TM6SF2: variants seen among roughly 807,000 people sequenced by gnomAD.
The protein encoded by TM6SF2 is transmembrane 6 superfamily member 2.
In TM6SF2, 29 loss-of-function variants were observed where a neutral mutation model predicts 41.0. The observed-to-expected ratio is 0.71, with a 90% CI of 0.53 to 0.96. The LOEUF (loss-of-function observed/expected upper bound fraction) is 0.96. TM6SF2 is among the 50% of genes least tolerant of loss of function. TM6SF2 has a pLI of 0.00. For missense variants in TM6SF2, 475 were observed against 499.0 expected (o/e 0.95, Z 0.46); for synonymous variants, 200 against 209.1 (o/e 0.96, Z 0.37).
rs373418560 is a variant in TM6SF2, at chr19:19,268,583, A to G, written c.609+47T>C. 7.9e-6 allele frequency: 12 copies of G among 1,516,904 alleles called. No homozygotes were observed. The African/African-American group carries it at 1.3e-4, about 17-fold the overall frequency. The allele number at this position is 1,516,904 out of a possible 1,614,324, so 94.0% of individuals were successfully genotyped here. A position where few individuals can be genotyped will look rare whatever the true frequency, so the allele number is the denominator to read the frequency against. On this transcript the variant is annotated intron_variant, in intron 6 of 9. Coordinates refer to ENST00000389363, the MANE Select transcript of TM6SF2 (RefSeq NM_001001524.3). ...TGACCAAAAGCAACTGACACGGGGA[A>G]AGTTCAGGCACATTGGGACAAGGCC...
At position 19,264,778 on chromosome 19, in the gene TM6SF2, A is replaced by T. The variant is rs1358345119; in HGVS notation, c.1020T>A (p.Asn340Lys). 6.2e-7 allele frequency: 1 copy of T among 1,610,746 alleles called. No homozygotes were observed. Among genetic ancestry groups the T allele is most frequent in the Non-Finnish European group, 8.5e-7 (1 of 1,178,606 alleles). Reference protein sequence around the residue: ...EDTWGCFFVCNLLYALGPHLL... With the variant: ...EDTWGCFFVCKLLYALGPHLL... ...GGTGGGGGCCCAGCGCATACAGCAGATTGCACACGAAGAAGCAGCCCCAGG... is the reference window on the plus strand; with the variant it reads ...GGTGGGGGCCCAGCGCATACAGCAGTTTGCACACGAAGAAGCAGCCCCAGG... The change falls in exon 10 of 10, where the codon AAT becomes AAA. Residue 340 changes from asparagine to lysine, a missense_variant. By Grantham distance (94) the Asn-to-Lys change is moderately conservative (BLOSUM62 0). Around this residue, in one of 3 missense-constraint regions of TM6SF2, gnomAD observed 190 missense variants for 190.2 expected, o/e 1.00. Transcript: ENST00000389363.
At position 19,269,714 on chromosome 19, in the gene TM6SF2, G is replaced by T; in HGVS notation, c.457C>A (p.Leu153Met). The change falls in exon 5 of 10, where the codon CTG (leucine) becomes ATG (methionine). Residue 153 changes from leucine to methionine, a missense_variant. Physicochemically the swap from Leu to Met is conservative, Grantham distance 15. Around this residue, in one of 3 missense-constraint regions of TM6SF2, gnomAD observed 238 missense variants for 228.6 expected, o/e 1.04. Coordinates refer to ENST00000389363, the MANE Select transcript of TM6SF2 (RefSeq NM_001001524.3). Reference protein sequence around the residue: ...YWLGSFAMSILVFLTGNILGK... With the variant: ...YWLGSFAMSIMVFLTGNILGK... ...AGAATGTTTCCTGTAAGGAACACCA[G>T]GATGCTCATGGCGAAGGAACCCAGC... The T allele has an allele frequency of 6.2e-7, 1 of 1,614,172 alleles. No individual in the cohort carries two copies. Among genetic ancestry groups the T allele is most frequent in the African/African-American group, 1.3e-5 (1 of 75,054 alleles).
At chr19:19,267,382 A>G (rs868342017) in intron 8 of TM6SF2, among the ~76,000 whole-genome samples, 290 of 99,686 alleles carry the variant, frequency 2.9e-3, no homozygotes, top group African/African-American at 8.6e-3. Flanking sequence ...AAAAAAAAAA[A>G]AAAGAAAAAG....
Position 19,269,680 on chromosome 19 carries a change from T to C in TM6SF2, c.484+7A>G. ...AGAACCTGGATTTCCCAAAGCCTTGTCCTTACCAAGAATGTTTCCTGTAAG... is the reference window on the plus strand; with the variant it reads ...AGAACCTGGATTTCCCAAAGCCTTGCCCTTACCAAGAATGTTTCCTGTAAG... On this transcript the variant is annotated splice_region_variant and intron_variant, in intron 5 of 9. Transcript: ENST00000389363. The C allele has an allele frequency of 6.2e-7, 1 of 1,614,092 alleles. No individual in the cohort carries two copies. Among genetic ancestry groups the C allele is most frequent in the Non-Finnish European group, 8.5e-7 (1 of 1,179,998 alleles).
At chr19:19,268,951 C>T (rs915194650) in intron 5 of TM6SF2, among the ~76,000 whole-genome samples, 197 bp from the exon 6 acceptor site, 1 of 152,096 alleles carries the variant, frequency 6.6e-6, no homozygotes, top group Non-Finnish European at 1.5e-5. Context: ...TGGGATTATA[C>T]CTGGCTAATT....
At chr19:19,265,684 G>A (rs1166664326) in intron 9 of TM6SF2, among the ~76,000 whole-genome samples, 2 of 152,156 alleles carry the variant, frequency 1.3e-5, no homozygotes, top group African/African-American at 4.8e-5. Flanking sequence ...CTCCCAAAAT[G>A]CTGGGATTAC....
At chr19:19,268,579 G>A in intron 6 of TM6SF2, 51 bp downstream of exon 6, 1 of 1,514,946 alleles carries the variant, frequency 6.6e-7, no homozygotes, top group Non-Finnish European at 8.8e-7. Context: ...AACTGACACG[G>A]GGAAAGTTCA....
intron 8 of TM6SF2, among the ~76,000 whole-genome samples, chr19:19,267,091 G>A (rs1023596879): frequency 1.3e-5 from 2 of 152,152 alleles, no homozygotes; most frequent in Non-Finnish European, 2.9e-5. Flanking sequence ...CTCAGAGGCC[G>A]GGCATGGTGG....
chr19:19,268,851 C>T, intron 5 of TM6SF2, 97 bp from the exon 6 acceptor site: 1 of 1,408,724 alleles, frequency 7.1e-7, no homozygotes, highest in Non-Finnish European at 9.3e-7. Context: ...CTCTGTCACC[C>T]AGGCTGGAGT....
Position 19,270,365 on chromosome 19 carries a change from T to C in TM6SF2, c.277A>G (p.Met93Val), listed in dbSNP as rs753830613. 5.0e-6 allele frequency: 8 copies of C among 1,614,096 alleles called. No individual in the cohort carries two copies. In the African/African-American group the frequency reaches 9.3e-5, roughly 19 times the overall value. Residue 93 changes from methionine (M) to valine (V), a missense_variant, in exon 3 of 10, where the codon ATG becomes GTG. This residue lies in a region of TM6SF2 where 238 missense variants were observed against 228.6 expected (regional missense o/e 1.04). Coordinates refer to ENST00000389363, the MANE Select transcript of TM6SF2 (RefSeq NM_001001524.3). ...LQEDSYVVGF[M>V]EFYTKEGEPY... ...AGTACCTCCTTGGTGTAGAACTCCA[T>C]GAAGCCCACCACATAGCTGTCTTCC...
intron 9 of TM6SF2, 130 bp from the exon 10 acceptor site, chr19:19,265,003 CATCT>C: frequency 2.4e-6 from 1 of 410,664 alleles, no homozygotes; most frequent in Non-Finnish European, 4.3e-6. Flanking sequence ...GGGCTTTGCT[CATCT>C]ATCTGTTTCC....
At chr19:19,268,800 C>T (rs1023673292) in intron 5 of TM6SF2, 46 bp from the exon 6 acceptor site, 3 of 1,535,718 alleles carry the variant, frequency 2.0e-6, no homozygotes, top group South Asian at 1.3e-5. Flanking sequence ...CAGAACCCTG[C>T]TGGACATCTG....
intron 1 of TM6SF2, among the ~76,000 whole-genome samples, chr19:19,272,075 G>A (rs2061026084): frequency 6.6e-6 from 1 of 152,110 alleles, no homozygotes; most frequent in Non-Finnish European, 1.5e-5. Flanking sequence ...GATAAGACAG[G>A]TCAACCAGTT....
intron 9 of TM6SF2, among the ~76,000 whole-genome samples, chr19:19,266,213 C>T (rs1476223716): frequency 1.3e-5 from 2 of 152,194 alleles, no homozygotes; most frequent in Non-Finnish European, 2.9e-5. Flanking sequence ...CTGGAGAACT[C>T]ATCCTCGTAC....
rs2060997769 is a variant in TM6SF2 at position 19,264,948 on chromosome 19, C to CA, written c.925-76dup. ...AATCCCAGCATCACCGACAGCCCCC[C>CA]AGGTAGGTCAGGCAGAACCCAGGGG... is the stretch of plus-strand genomic sequence containing the variant. On this transcript the variant is annotated intron_variant, in intron 9 of 9. Coordinates refer to ENST00000389363, the MANE Select transcript of TM6SF2 (RefSeq NM_001001524.3). 4 of 1,173,984 alleles carry CA rather than the reference C, an allele frequency of 3.4e-6. No homozygotes were observed. The South Asian group carries it at 7.1e-5, about 21-fold the overall frequency. 72.7% of individuals were successfully genotyped at this position (1,173,984 alleles called of 1,614,324 possible). A position where few individuals can be genotyped will look rare whatever the true frequency, so the allele number is the denominator to read the frequency against.
intron 5 of TM6SF2, among the ~76,000 whole-genome samples, chr19:19,269,041 G>T (rs1261527305): frequency 1.3e-5 from 2 of 152,104 alleles, no homozygotes; most frequent in Non-Finnish European, 2.9e-5. Context: ...GATTGATGAG[G>T]CAGGTGGATT....
rs1420662454 is a variant in TM6SF2, at chr19:19,270,295, G to T, written c.298-19C>A. 1 of 1,614,216 alleles carries T rather than the reference G, an allele frequency of 6.2e-7. No homozygotes were observed. Among genetic ancestry groups the T allele is most frequent in the Non-Finnish European group, 8.5e-7 (1 of 1,180,028 alleles). On this transcript the variant is annotated intron_variant, in intron 3 of 9. Transcript: ENST00000389363. ...GCTCTCCCTGTGGGGGCAGGTGGGA[G>T]ACTCAGACGGGCAGTGCGGTAGGGG...
chr19:19,273,061 T>TCCCCCCCCCCCCCCCCCCCCCCCCCTCCC, intron 1 of TM6SF2, 60 bp downstream of exon 1: 1 of 305,470 alleles, frequency 3.3e-6, no homozygotes, highest in Non-Finnish European at 6.1e-6. Flanking sequence ...CCTCCAGTCC[T>TCCCCCCCCCCCCCCCCCCCCCCCCCTCCC]CCCCGCCCCC....
At chr19:19,271,198 G>C (rs1366210809) in intron 1 of TM6SF2, 73 bp from the exon 2 acceptor site, 2 of 1,221,346 alleles carry the variant, frequency 1.6e-6, no homozygotes, top group African/African-American at 3.0e-5. Context: ...CCTGGTGGGG[G>C]AAGGGGCAGA....
Sources: gnomAD v4.1 joint callset for allele counts (sites outside exome capture counted in the v4.1 genomes callset) on GRCh38, gnomAD v4.1.1 for gene constraint, gnomAD v4.1.1 regional missense constraint, MANE v1.5 for transcripts, NCBI Gene and HGNC (gene_info 2026-07-23, HGNC 2026-07-21) for gene names.